The following CTNNA1 variants were observed in gnomAD, a reference collection of about 807,000 sequenced individuals.
CTNNA1 encodes the protein catenin alpha 1.
Under a neutral mutation model 98.4 loss-of-function variants are expected in CTNNA1, and 37 were observed. The observed-to-expected ratio is 0.38, with a 90% CI of 0.29 to 0.49. The LOEUF (loss-of-function observed/expected upper bound fraction) is 0.49, where lower values mean the gene tolerates loss of function less well. CTNNA1 is among the 20% of genes least tolerant of loss of function. CTNNA1 has a pLI of 0.95. For missense variants in CTNNA1, 761 were observed against 1,147.2 expected (o/e 0.66, Z 4.86); for synonymous variants, 404 against 413.2 (o/e 0.98, Z 0.27).
intron 5 of CTNNA1, among the ~76,000 whole-genome samples, chr5:138,815,516 A>T (rs765013163): frequency 1.3e-5 from 2 of 151,972 alleles, no homozygotes; most frequent in African/African-American, 4.8e-5. Context: ...GCTAAAAGTG[A>T]TGGCATTCTC....
At chr5:138,924,287 T>TTG (rs1225799945) in intron 11 of CTNNA1, among the ~76,000 whole-genome samples, 1 of 137,828 alleles carries the variant, frequency 7.3e-6, no homozygotes, top group Non-Finnish European at 1.6e-5. Context: ...TTTTTGTTTT[T>TTG]TTTTTTTTAA....
At position 138,908,790 on chromosome 5, in the gene CTNNA1, C is replaced by G. The variant is rs1759882935; in HGVS notation, c.1389+4349C>G. 1.3e-5 allele frequency among the ~76,000 whole-genome samples: 2 copies of G among 152,010 alleles called. 1 individual carries two copies. Among genetic ancestry groups the G allele is most frequent in the South Asian group, 4.1e-4 (2 of 4,822 alleles). On this transcript the variant is annotated intron_variant, in intron 10 of 17. Transcript: ENST00000302763. ...ATTAAGAAAAGAGGAGGTAGGTCGG[C>G]TCTCTCTCTGCATTGCCTTCTACTT...
In CTNNA1 at chr5:138,815,208, AT is replaced by A. The variant is rs1178752070; in HGVS notation, c.588+2913del. Among the ~76,000 whole-genome samples, 3 of 151,728 alleles carry A rather than the reference AT, an allele frequency of 2.0e-5. No homozygotes were observed. The East Asian group carries it at 5.8e-4, about 29-fold the overall frequency. On this transcript the variant is annotated intron_variant, in intron 5 of 17. Transcript: ENST00000302763. ...GTTCCTTGAACATAATCCCTTATGT[AT>A]TTTTTTCATGTGTTTTTTTTTGAAA... is the stretch of plus-strand genomic sequence containing the variant.
chr5:138,838,561 T>A (rs1762003020), intron 7 of CTNNA1, among the ~76,000 whole-genome samples: 2 of 152,082 alleles, frequency 1.3e-5, no homozygotes, highest in African/African-American at 4.8e-5. Flanking sequence ...TCCAATTTCA[T>A]CTGTTTCTGC....
chr5:138,792,107 A>T (rs1470373332), intron 3 of CTNNA1, among the ~76,000 whole-genome samples: 1 of 152,166 alleles, frequency 6.6e-6, no homozygotes, highest in Non-Finnish European at 1.5e-5. Context: ...GTAATTGTGT[A>T]TAACTGTGTA....
At chr5:138,821,646 G>A (rs556550611) in intron 5 of CTNNA1, among the ~76,000 whole-genome samples, 219 of 152,212 alleles carry the variant, frequency 1.4e-3, no homozygotes, top group Non-Finnish European at 2.7e-3. Flanking sequence ...TTGGTTAGAG[G>A]CAGTGTTATA....
intron 2 of CTNNA1, among the ~76,000 whole-genome samples, 181 bp from the exon 3 acceptor site, chr5:138,782,996 A>C (rs1755296544): frequency 6.6e-6 from 1 of 152,234 alleles, no homozygotes; most frequent in Non-Finnish European, 1.5e-5. Flanking sequence ...AGAAAGCTGA[A>C]TTATTTTGGA....
At chr5:138,928,270 A>G (rs760142429) in intron 13 of CTNNA1, among the ~76,000 whole-genome samples, 4 of 152,168 alleles carry the variant, frequency 2.6e-5, no homozygotes, top group South Asian at 2.1e-4. Flanking sequence ...GTAGCTAATC[A>G]TGAGAGGCTG....
chr5:138,864,607 A>T (rs1002827196), intron 7 of CTNNA1, among the ~76,000 whole-genome samples: 1 of 152,186 alleles, frequency 6.6e-6, no homozygotes, highest in Non-Finnish European at 1.5e-5. Context: ...TTATAAACTA[A>T]ATCCTCCCAT....
intron 4 of CTNNA1, 57 bp downstream of exon 4, chr5:138,810,261 C>T: frequency 6.4e-7 from 1 of 1,552,858 alleles, no homozygotes; most frequent in Non-Finnish European, 8.9e-7. Context: ...TTGCTACTGG[C>T]CTTCCTTAGT....
chr5:138,899,702 C>G (rs1757612481), intron 9 of CTNNA1, among the ~76,000 whole-genome samples: 1 of 152,194 alleles, frequency 6.6e-6, no homozygotes, highest in African/African-American at 2.4e-5. Context: ...CACCACCCAC[C>G]AGAGGAAACA....
chr5:138,876,122 A>G (rs567248477), intron 7 of CTNNA1, among the ~76,000 whole-genome samples: 5 of 152,230 alleles, frequency 3.3e-5, no homozygotes, highest in Non-Finnish European at 4.4e-5. Context: ...ACAGCAAAGC[A>G]GAGATGATTT....
chr5:138,895,179 A>G (rs1756494407), intron 9 of CTNNA1, among the ~76,000 whole-genome samples: 1 of 152,160 alleles, frequency 6.6e-6, no homozygotes, highest in South Asian at 2.1e-4. Context: ...AAGTTAATAA[A>G]CATTAGAGTT....
At chr5:138,799,253 C>T (rs769603990) in intron 3 of CTNNA1, among the ~76,000 whole-genome samples, 12 of 152,020 alleles carry the variant, frequency 7.9e-5, no homozygotes, top group Admixed American at 4.6e-4. Flanking sequence ...CTCTGCCTTC[C>T]GGGTTCAGGC....
chr5:138,934,056 C>A lies in CTNNA1; in HGVS notation c.2688C>A (p.Ala896=). 6.2e-7 allele frequency: 1 copy of A among 1,613,264 alleles called. No individual in the cohort carries two copies. Among genetic ancestry groups the A allele is most frequent in the Non-Finnish European group, 8.5e-7 (1 of 1,179,930 alleles). The change falls in exon 18 of 18, where the codon GCC becomes GCA. Residue 896 remains alanine, a synonymous_variant. Coordinates refer to ENST00000302763, the MANE Select transcript of CTNNA1 (RefSeq NM_001903.5). ...AGAAGCACGTGAACCCGGTGCAGGC[C>A]CTCAGCGAGTTCAAAGCTATGGACA... ...SQKKHVNPVQ[A]LSEFKAMDSI
intron 1 of CTNNA1, among the ~76,000 whole-genome samples, chr5:138,776,039 C>CTTTTTTTT (rs57467422): frequency 3.1e-3 from 261 of 83,764 alleles, no homozygotes; most frequent in Non-Finnish European, 3.7e-3. Context: ...GGAAATGTTT[C>CTTTTTTTT]TTTTTTTTTT....
chr5:138,831,983 G>A (rs1215277478), intron 7 of CTNNA1, among the ~76,000 whole-genome samples: 1 of 152,198 alleles, frequency 6.6e-6, no homozygotes, highest in Non-Finnish European at 1.5e-5. Context: ...GTGGATGAAG[G>A]AGGAGGCTGT....
chr5:138,907,023 T>C (rs1308841233), intron 10 of CTNNA1, among the ~76,000 whole-genome samples: 1 of 152,192 alleles, frequency 6.6e-6, no homozygotes, highest in East Asian at 1.9e-4. Context: ...TTGTTTCTTC[T>C]TCTTTTTTCT....
Position 138,916,177 on chromosome 5 carries a change from C to CAAAAAAA in CTNNA1, c.1390-1557_1390-1551dup, listed in dbSNP as rs56935188. On this transcript the variant is annotated intron_variant, in intron 10 of 17. Transcript: ENST00000302763. Reference sequence around the variant, plus strand: ...GAGATAGAAAGCAAATTAGTGGTTGCAAAAAAAAAAAAAAGAAGGGGCTAA... The same window carrying CAAAAAAA: ...GAGATAGAAAGCAAATTAGTGGTTGCAAAAAAAAAAAAAAAAAAAAAGAAGGGGCTAA... Among the ~76,000 whole-genome samples, 207 of 115,060 alleles carry CAAAAAAA rather than the reference C, an allele frequency of 1.8e-3. 6 individuals carry two copies. Among genetic ancestry groups the CAAAAAAA allele is most frequent in the African/African-American group, 4.4e-3 (123 of 28,006 alleles). 75.5% of individuals were successfully genotyped at this position (115,060 alleles called of 152,430 possible). A position where few individuals can be genotyped will look rare whatever the true frequency, so the allele number is the denominator to read the frequency against.
Sources: gnomAD v4.1 joint callset for allele counts (sites outside exome capture counted in the v4.1 genomes callset) on GRCh38, gnomAD v4.1.1 for gene constraint, MANE v1.5 for transcripts, NCBI Gene and HGNC (gene_info 2026-07-23, HGNC 2026-07-21) for gene names.